The following SNX25 variants were observed in gnomAD, a reference collection of about 807,000 sequenced individuals.
SNX25 encodes the protein sorting nexin-25.
Under a neutral mutation model 113.7 loss-of-function variants are expected in SNX25, and 62 were observed. That is an observed-to-expected ratio of 0.55 (90% confidence interval 0.44 to 0.67). The LOEUF is 0.67. Among genes scored for constraint, SNX25 ranks in the 30% least tolerant of loss-of-function variants. The probability of loss-of-function intolerance (pLI) is 0.00; values close to 1 mark genes in which losing one functional copy is unlikely to be tolerated. For missense variants in SNX25, 1,014 were observed against 1,161.0 expected (o/e 0.87, Z 1.84); for synonymous variants, 421 against 436.2 (o/e 0.97, Z 0.43).
At chr4:185,346,729 G>A (rs1459193407) in intron 13 of SNX25, 79 bp downstream of exon 13, 1 of 939,478 alleles carries the variant, frequency 1.1e-6, no homozygotes, top group Admixed American at 3.1e-5. Context: ...TACGAGCTTG[G>A]TAGTTTGCTT....
chr4:185,356,652 CT>C (rs779943718), intron 15 of SNX25, among the ~76,000 whole-genome samples: 7 of 152,124 alleles, frequency 4.6e-5, no homozygotes, highest in African/African-American at 7.2e-5. Context: ...TCTGTGTTTT[CT>C]ATGATTTCTA....
At chr4:185,256,142 T>C (rs1399733812) in intron 2 of SNX25, among the ~76,000 whole-genome samples, 2 of 152,176 alleles carry the variant, frequency 1.3e-5, no homozygotes, top group Admixed American at 6.5e-5. Flanking sequence ...GATTCCACCT[T>C]ACAGACTAGA....
chr4:185,220,702 G>A (rs113232248), intron 1 of SNX25, among the ~76,000 whole-genome samples: 42 of 151,974 alleles, frequency 2.8e-4, no homozygotes, highest in African/African-American at 4.3e-4. Flanking sequence ...GGATGGTCTC[G>A]ATCTCCTGAC....
At chr4:185,373,042 T>C (rs761152088), downstream of SNX25, 6 of 1,611,752 alleles carry the variant, frequency 3.7e-6, no homozygotes, top group Admixed American at 1.7e-5. Context: ...GGACTCCAGA[T>C]TCCCATTGCC....
intron 15 of SNX25, among the ~76,000 whole-genome samples, chr4:185,353,985 A>G (rs1369672732): frequency 6.6e-6 from 1 of 151,476 alleles, no homozygotes; most frequent in Non-Finnish European, 1.5e-5. Context: ...TGGAGGTTGC[A>G]GTGAGCCAAG....
At chr4:185,270,339 T>A (rs1428022656) in intron 5 of SNX25, among the ~76,000 whole-genome samples, 2 of 152,202 alleles carry the variant, frequency 1.3e-5, no homozygotes, top group Non-Finnish European at 2.9e-5. Flanking sequence ...TCCCTGCTAC[T>A]ATGTGATGAA....
chr4:185,246,185 T>C (rs1021563129), intron 1 of SNX25, among the ~76,000 whole-genome samples: 1 of 152,182 alleles, frequency 6.6e-6, no homozygotes, highest in Non-Finnish European at 1.5e-5. Context: ...CTCTGGAGGC[T>C]GAGGCAGGAG....
chr4:185,259,216 G>T, intron 3 of SNX25, 152 bp downstream of exon 3: 1 of 656,638 alleles, frequency 1.5e-6, no homozygotes, highest in Non-Finnish European at 2.5e-6. Flanking sequence ...ATTATGTTCT[G>T]GTAGAGTATT....
In SNX25 at chr4:185,361,908, C is replaced by G. The variant is rs1053739278; in HGVS notation, c.2652-16C>G. On this transcript the variant is annotated splice_polypyrimidine_tract_variant and intron_variant, in intron 16 of 18. Coordinates refer to ENST00000652585, the MANE Select transcript of SNX25 (RefSeq NM_001378034.2). ...TTTTTAAAAACCTCATCCAAGAAAT[C>G]TTTTTCTCTTAAAAGACAAATCCGG... 1.2e-5 allele frequency: 20 copies of G among 1,610,636 alleles called. No individual in the cohort carries two copies. Among genetic ancestry groups the G allele is most frequent in the Non-Finnish European group, 1.6e-5 (19 of 1,178,202 alleles).
At chr4:185,270,471 A>G (rs936278207) in intron 5 of SNX25, among the ~76,000 whole-genome samples, 4 of 152,260 alleles carry the variant, frequency 2.6e-5, no homozygotes, top group African/African-American at 9.6e-5. Flanking sequence ...GGTCTTGAGC[A>G]CTGAGGGACT....
At chr4:185,283,459 T>G (rs1461341312) in intron 5 of SNX25, among the ~76,000 whole-genome samples, 1 of 152,154 alleles carries the variant, frequency 6.6e-6, no homozygotes, top group African/African-American at 2.4e-5. Context: ...AGGAAAGACC[T>G]GGAGTGTGTT....
chr4:185,241,118 A>G (rs1445871638), intron 1 of SNX25, among the ~76,000 whole-genome samples: 4 of 151,682 alleles, frequency 2.6e-5, no homozygotes, highest in Non-Finnish European at 4.4e-5. Context: ...TTGCGGGGCC[A>G]AGGCAGGCAG....
At chr4:185,276,530 A>G (rs1183154735) in intron 5 of SNX25, among the ~76,000 whole-genome samples, 3 of 152,256 alleles carry the variant, frequency 2.0e-5, no homozygotes, top group Non-Finnish European at 4.4e-5. Flanking sequence ...AACGTGGCCT[A>G]TATGTGCAAG....
chr4:185,221,225 G>GT (rs1739792781), intron 1 of SNX25, among the ~76,000 whole-genome samples: 2 of 152,030 alleles, frequency 1.3e-5, no homozygotes, highest in African/African-American at 2.4e-5. Context: ...TAGAGACAGG[G>GT]TTTCACCATG....
Position 185,297,908 on chromosome 4 carries a change from C to G in SNX25, c.1162+9826C>G, listed in dbSNP as rs572875901. Among the ~76,000 whole-genome samples the G allele has an allele frequency of 2.6e-5, 4 of 152,242 alleles. No individual in the cohort carries two copies. The South Asian group carries it at 8.3e-4, about 32-fold the overall frequency. On this transcript the variant is annotated intron_variant, in intron 6 of 18. Transcript: ENST00000652585. The stretch of plus-strand genomic sequence containing the variant: ...TGAATTTTAGAGGGACACATTCAGT[C>G]CATAACACCATCTGTTCATACAAGC...
chr4:185,246,665 C>T (rs1166212374), intron 1 of SNX25, among the ~76,000 whole-genome samples: 3 of 152,056 alleles, frequency 2.0e-5, no homozygotes, highest in East Asian at 1.9e-4. Context: ...ATTTACATTT[C>T]GATTGCATCA....
intron 1 of SNX25, among the ~76,000 whole-genome samples, chr4:185,239,183 A>G (rs1743119348): frequency 6.6e-6 from 1 of 152,188 alleles, no homozygotes; most frequent in African/African-American, 2.4e-5. Context: ...TGTCACATAT[A>G]TTAGAGAAAA....
chr4:185,273,032 G>A (rs1269514259), intron 5 of SNX25, among the ~76,000 whole-genome samples: 5 of 152,070 alleles, frequency 3.3e-5, no homozygotes, highest in South Asian at 2.1e-4. Context: ...TTACAGTTGC[G>A]ACAAACAAAA....
At chr4:185,278,259 A>G (rs1750040152) in intron 5 of SNX25, among the ~76,000 whole-genome samples, 1 of 152,190 alleles carries the variant, frequency 6.6e-6, no homozygotes, top group Non-Finnish European at 1.5e-5. Flanking sequence ...ACGGTTAACA[A>G]TGCAAGTCAA....
Sources: gnomAD v4.1 joint callset for allele counts (sites outside exome capture counted in the v4.1 genomes callset) on GRCh38, gnomAD v4.1.1 for gene constraint, MANE v1.5 for transcripts, NCBI Gene and HGNC (gene_info 2026-07-23, HGNC 2026-07-21) for gene names.